Variants in DRC1 observed in about 807,000 individuals in gnomAD.
DRC1 encodes the protein dynein regulatory complex subunit 1, also known as dynein regulatory complex protein 1.
In DRC1, 74 loss-of-function variants were observed where a neutral mutation model predicts 98.7. That is an observed-to-expected ratio of 0.75 (90% confidence interval 0.62 to 0.91). DRC1 has a LOEUF of 0.91. Among genes scored for constraint, DRC1 ranks in the 40% least tolerant of loss-of-function variants. DRC1 has a pLI of 0.00. For synonymous variants in DRC1, 336 were observed against 334.1 expected (o/e 1.01, Z -0.06); for missense variants, 875 against 886.0 (o/e 0.99, Z 0.16).
In DRC1 at chr2:26,456,688, T is replaced by A; in HGVS notation, c.*171T>A. Reference sequence around the variant, plus strand: ...CAGAGGAGTTACCTGTGTCCTGCATTATGATTAAAGCCTTTTAAAGTTGTG... The same window carrying A: ...CAGAGGAGTTACCTGTGTCCTGCATAATGATTAAAGCCTTTTAAAGTTGTG... On this transcript the variant is annotated 3_prime_UTR_variant, in exon 17 of 17. Transcript: ENST00000288710. 1.4e-6 allele frequency: 1 copy of A among 699,576 alleles called. No homozygotes were observed. The highest frequency in any genetic ancestry group is 2.4e-6 in the Non-Finnish European group (1 of 419,974). The allele number at this position is 699,576 out of a possible 1,614,324, so 43.3% of individuals were successfully genotyped here.
rs769643471 is a variant in DRC1 at position 26,402,153 on chromosome 2, G to C, written c.155+9G>C. On this transcript the variant is annotated intron_variant, in intron 1 of 16. Coordinates refer to ENST00000288710, the MANE Select transcript of DRC1 (RefSeq NM_145038.5). ...TTAGAAGCCCGGAGGCGGTGAGCGC[G>C]GGGGCGGGCGGGGCGGGATCCGCGC... 5 of 1,580,496 alleles carry C rather than the reference G, an allele frequency of 3.2e-6. No homozygotes were observed. The highest frequency in any genetic ancestry group is 1.4e-5 in the African/African-American group (1 of 73,954).
intron 10 of DRC1, among the ~76,000 whole-genome samples, chr2:26,446,958 C>T (rs973317879): frequency 2.9e-4 from 44 of 151,984 alleles, no homozygotes; most frequent in South Asian, 1.5e-3. Flanking sequence ...CCGGTCATGG[C>T]GTGCGCCTGT....
Position 26,454,870 on chromosome 2 carries a change from C to T in DRC1, c.2063+80C>T, listed in dbSNP as rs1326990555. 2 of 1,592,438 alleles carry T rather than the reference C, an allele frequency of 1.3e-6. No individual in the cohort carries two copies. The highest frequency in any genetic ancestry group is 1.7e-6 in the Non-Finnish European group (2 of 1,166,994). ...TGTTGGGAGCAGCCGCGTTTGCTGC[C>T]TCCCTGTCCCACTGAACCTGGGAGG... On this transcript the variant is annotated intron_variant, in intron 15 of 16. Transcript: ENST00000288710. This position sits in a 1 kb window ranked among gnomAD's most constrained non-coding sequence, Gnocchi z 5.2.
Position 26,456,591 on chromosome 2 carries a change from C to G in DRC1, c.*74C>G. On this transcript the variant is annotated 3_prime_UTR_variant, in exon 17 of 17. Transcript: ENST00000288710. ...CTGTGCCGGAGCCAGCTCATATCAC[C>G]CACTGGGCCGCACCTGGGCCTGCTC... 6.4e-7 allele frequency: 1 copy of G among 1,574,452 alleles called. No homozygotes were observed. The highest frequency in any genetic ancestry group is 8.7e-7 in the Non-Finnish European group (1 of 1,145,960).
chr2:26,414,273 G>T, intron 1 of DRC1, 71 bp from the exon 2 acceptor site: 1 of 1,538,882 alleles, frequency 6.5e-7, no homozygotes, highest in Non-Finnish European at 8.9e-7. Flanking sequence ...TACTGTGCCA[G>T]GCCAAAACCT....
chr2:26,417,715 T>C (rs1678855986), intron 2 of DRC1, among the ~76,000 whole-genome samples: 1 of 152,238 alleles, frequency 6.6e-6, no homozygotes, highest in South Asian at 2.1e-4. Flanking sequence ...ATTGATTGAA[T>C]AGAATTTATA....
chr2:26,452,623 A>G (rs183293791), intron 13 of DRC1, among the ~76,000 whole-genome samples: 2 of 152,348 alleles, frequency 1.3e-5, no homozygotes, highest in East Asian at 3.8e-4. Flanking sequence ...ATGGCAGAAG[A>G]TTCGAAACAA....
chr2:26,455,002 C>T, intron 15 of DRC1, 129 bp from the exon 16 acceptor site: 1 of 1,357,900 alleles, frequency 7.4e-7, no homozygotes, highest in Non-Finnish European at 1.0e-6. Context: ...CACCTGGCGG[C>T]TGGGTGAAGA....
rs146519361 is a variant in DRC1 at position 26,438,927 on chromosome 2, C to A, written c.889-1451C>A. ...TCGGGAGAAGCAGGAGCATGCCAGC[C>A]TCCAGCCTTGCCTCTCTCTGATCTT... On this transcript the variant is annotated intron_variant, in intron 7 of 16. Coordinates refer to ENST00000288710, the MANE Select transcript of DRC1 (RefSeq NM_145038.5). Among the ~76,000 whole-genome samples, 516 of 152,336 alleles carry A rather than the reference C, an allele frequency of 3.4e-3. 6 individuals carry two copies. The highest frequency in any genetic ancestry group is 0.012 in the African/African-American group (497 of 41,570).
intron 11 of DRC1, among the ~76,000 whole-genome samples, 179 bp downstream of exon 11, chr2:26,448,982 G>A (rs754143769): frequency 1.3e-5 from 2 of 152,260 alleles, no homozygotes; most frequent in African/African-American, 4.8e-5. Context: ...CCGGTTCATA[G>A]AGGCCTTGCC....
In DRC1 at chr2:26,448,735, CT is replaced by C; in HGVS notation, c.1442del (p.Leu481ArgfsTer16). The C allele has an allele frequency of 6.2e-7, 1 of 1,614,240 alleles. No homozygotes were observed. Among genetic ancestry groups the C allele is most frequent in the East Asian group, 2.2e-5 (1 of 44,888 alleles). ...EEAAAEPESY[L>X]DLPKQISEKT... ...GGCCGCCGCGGAACCAGAGTCCTAC[CT>C]GGATTTGCCGAAGCAAATTTCTGAA... On this transcript the variant is annotated frameshift_variant, in exon 11 of 17. Coordinates refer to ENST00000288710, the MANE Select transcript of DRC1 (RefSeq NM_145038.5). LOFTEE classifies it high-confidence loss of function.
chr2:26,422,326 T>C (rs926032628), intron 3 of DRC1, among the ~76,000 whole-genome samples: 13 of 152,294 alleles, frequency 8.5e-5, no homozygotes, highest in Non-Finnish European at 1.6e-4. Flanking sequence ...GACCCACGAA[T>C]ACCTCAGTGT....
chr2:26,403,334 A>G (rs1251750016), intron 1 of DRC1, among the ~76,000 whole-genome samples: 1 of 152,152 alleles, frequency 6.6e-6, no homozygotes. Context: ...TGTACATCCT[A>G]TGGGTTTGGA....
chr2:26,410,904 G>A (rs910423320), intron 1 of DRC1, among the ~76,000 whole-genome samples: 3 of 152,206 alleles, frequency 2.0e-5, no homozygotes, highest in African/African-American at 7.2e-5. Context: ...AAGGCATAAA[G>A]ACAGAATGAC....
rs190783380 is a variant in DRC1 at position 26,427,509 on chromosome 2, A to C, written c.541-2119A>C. Among the ~76,000 whole-genome samples, 7 of 152,276 alleles carry C rather than the reference A, an allele frequency of 4.6e-5. No homozygotes were observed. In the South Asian group the frequency reaches 1.0e-3, roughly 23 times the overall value. On this transcript the variant is annotated intron_variant, in intron 4 of 16. Transcript: ENST00000288710. ...TTTTGATACAGCCATACAATGTGTGATAATCACATTGGGGTAAATGGGGTA... is the reference window on the plus strand; with the variant it reads ...TTTTGATACAGCCATACAATGTGTGCTAATCACATTGGGGTAAATGGGGTA...
chr2:26,419,393 G>A (rs747798421), intron 2 of DRC1, among the ~76,000 whole-genome samples: 9 of 152,108 alleles, frequency 5.9e-5, no homozygotes, highest in Non-Finnish European at 1.0e-4. Context: ...CCAGTAATTG[G>A]TTAGCACATG....
At chr2:26,449,591 G>A (rs1320155813) in intron 11 of DRC1, among the ~76,000 whole-genome samples, 1 of 152,216 alleles carries the variant, frequency 6.6e-6, no homozygotes, top group Non-Finnish European at 1.5e-5. Flanking sequence ...TGCTTTCCAT[G>A]CCTCCCTGTC....
At chr2:26,407,932 C>T (rs1053603891) in intron 1 of DRC1, among the ~76,000 whole-genome samples, 13 of 152,132 alleles carry the variant, frequency 8.5e-5, no homozygotes, top group African/African-American at 1.2e-4. Flanking sequence ...GAGTTTTCTC[C>T]GTAAATATTC....
chr2:26,449,549 A>C (rs1239519595), intron 11 of DRC1, among the ~76,000 whole-genome samples: 1 of 152,180 alleles, frequency 6.6e-6, no homozygotes. Context: ...CTTCCACCGC[A>C]TGTGTGCTGT....
Sources: gnomAD v4.1 joint callset for allele counts (sites outside exome capture counted in the v4.1 genomes callset) on GRCh38, gnomAD v4.1.1 for gene constraint, Gnocchi (gnomAD v3.1) non-coding constraint, MANE v1.5 for transcripts, NCBI Gene and HGNC (gene_info 2026-07-23, HGNC 2026-07-21) for gene names.